The following C10orf67 variants were observed in gnomAD, a reference collection of about 807,000 sequenced individuals.
The protein encoded by C10orf67 is chromosome 10 open reading frame 67.
In C10orf67, 60 loss-of-function variants were observed where a neutral mutation model predicts 35.6. The ratio of observed to expected loss-of-function variants is 1.68; its 90% CI spans 1.37 to 2.09. The LOEUF is 2.09. Among genes scored for constraint, C10orf67 ranks in the 30% most tolerant of loss-of-function variants. The pLI, the probability that C10orf67 is intolerant of heterozygous loss-of-function variation, is 0.00. For missense variants in C10orf67, 474 were observed against 330.2 expected (o/e 1.44, Z -3.38); for synonymous variants, 167 against 115.8 (o/e 1.44, Z -2.84).
intron 8 of C10orf67, among the ~76,000 whole-genome samples, chr10:23,275,927 T>C (rs1843174412): frequency 6.6e-6 from 1 of 152,314 alleles, no homozygotes; most frequent in East Asian, 1.9e-4. Flanking sequence ...TTTGAGCCCT[T>C]TTTCCTACAG....
rs182804427 is a variant in C10orf67 at position 23,216,377 on chromosome 10, T to C, written c.1570+7221A>G. Among the ~76,000 whole-genome samples, 417 of 152,116 alleles carry C rather than the reference T, an allele frequency of 2.7e-3. 3 individuals are homozygous for C. The highest frequency in any genetic ancestry group is 9.5e-3 in the African/African-American group (393 of 41,508). ...GCAACTCCAAGTGTTAGTAGGAAAA[T>C]GGAACAATACAAACTCATAACCTAC... is the stretch of plus-strand genomic sequence containing the variant. On this transcript the variant is annotated intron_variant, in intron 15 of 15. Coordinates refer to ENST00000636213, the MANE Select transcript of C10orf67 (RefSeq NM_001371909.1).
chr10:23,214,102 G>A (rs372301923), intron 15 of C10orf67, among the ~76,000 whole-genome samples: 2 of 151,674 alleles, frequency 1.3e-5, no homozygotes, highest in Admixed American at 6.6e-5. Flanking sequence ...GGGTTAAAGA[G>A]GCCAGTGCAT....
intron 10 of C10orf67, among the ~76,000 whole-genome samples, chr10:23,264,678 T>C (rs968158090): frequency 9.9e-5 from 15 of 152,202 alleles, no homozygotes; most frequent in Non-Finnish European, 1.5e-5. Context: ...CAAGCTGGAA[T>C]TCTAGGATTT....
At chr10:23,326,186 A>C (rs1295813948) in intron 2 of C10orf67, among the ~76,000 whole-genome samples, 3 of 152,144 alleles carry the variant, frequency 2.0e-5, no homozygotes, top group Non-Finnish European at 4.4e-5. Flanking sequence ...TAGATGCTTA[A>C]TTTATTTATC....
chr10:23,253,101 C>T (rs1057491663), intron 10 of C10orf67, among the ~76,000 whole-genome samples: 2 of 152,162 alleles, frequency 1.3e-5, no homozygotes, highest in Non-Finnish European at 1.5e-5. Flanking sequence ...TGTGAGGCCT[C>T]CCCAGCCATG....
intron 12 of C10orf67, among the ~76,000 whole-genome samples, chr10:23,240,027 A>T (rs189360448): frequency 3.7e-4 from 56 of 152,228 alleles, no homozygotes; most frequent in African/African-American, 1.3e-3. Context: ...TTTACAAACA[A>T]TAAAAAAAAA....
intron 15 of C10orf67, among the ~76,000 whole-genome samples, chr10:23,218,653 A>G (rs1841497544): frequency 6.6e-6 from 1 of 152,210 alleles, no homozygotes; most frequent in Admixed American, 6.5e-5. Context: ...CAAGGGAAGT[A>G]ATGGAAAAGT....
At chr10:23,306,542 A>C (rs1484676036) in intron 4 of C10orf67, among the ~76,000 whole-genome samples, 1 of 151,766 alleles carries the variant, frequency 6.6e-6, no homozygotes, top group African/African-American at 2.4e-5. Context: ...AAAAAAAAAA[A>C]AAAAAAAAAG....
intron 1 of C10orf67, among the ~76,000 whole-genome samples, chr10:23,341,371 A>C (rs1271602288): frequency 6.6e-6 from 1 of 152,164 alleles, no homozygotes; most frequent in South Asian, 2.1e-4. Flanking sequence ...CATCCGGGTT[A>C]CTGGCAATTC....
chr10:23,333,751 G>A (rs1188292089), intron 1 of C10orf67, among the ~76,000 whole-genome samples: 1 of 152,174 alleles, frequency 6.6e-6, no homozygotes, highest in Non-Finnish European at 1.5e-5. Flanking sequence ...AGCCAGGCAT[G>A]GAAAAGCTTT....
At chr10:23,285,170 T>G (rs527628796) in intron 7 of C10orf67, among the ~76,000 whole-genome samples, 2 of 152,222 alleles carry the variant, frequency 1.3e-5, no homozygotes, top group African/African-American at 4.8e-5. Context: ...AGACAGGCAC[T>G]GGCCCCAGGG....
intron 2 of C10orf67, among the ~76,000 whole-genome samples, chr10:23,328,888 G>A (rs1845300675): frequency 6.6e-6 from 1 of 151,108 alleles, no homozygotes; most frequent in South Asian, 2.1e-4. Context: ...AAGTGGCTGA[G>A]GCAGGAGGAT....
At position 23,283,145 on chromosome 10, in the gene C10orf67, T is replaced by C. The variant is rs538800414; in HGVS notation, c.910-1067A>G. ...ACCCTCATGTGATTATTACACATTC[T>C]ATGCCTGTATCAAAATATTTCATAT... On this transcript the variant is annotated intron_variant, in intron 7 of 15. Transcript: ENST00000636213. Among the ~76,000 whole-genome samples, 23 of 152,320 alleles carry C rather than the reference T, an allele frequency of 1.5e-4. 1 individual carries two copies. The highest frequency in any genetic ancestry group is 1.5e-3 in the Admixed American group (23 of 15,300).
At chr10:23,206,411 T>C (rs1230280090) in intron 15 of C10orf67, among the ~76,000 whole-genome samples, 1 of 152,246 alleles carries the variant, frequency 6.6e-6, no homozygotes, top group Non-Finnish European at 1.5e-5. Flanking sequence ...CAGCTGTAAC[T>C]GTCCATTTGT....
At chr10:23,225,937 C>T (rs1010828992) in intron 13 of C10orf67, among the ~76,000 whole-genome samples, 2 of 152,026 alleles carry the variant, frequency 1.3e-5, no homozygotes, top group Non-Finnish European at 2.9e-5. Context: ...TTTGACACCC[C>T]ACTGTCAACA....
At chr10:23,336,631 C>T (rs1398452379) in intron 1 of C10orf67, among the ~76,000 whole-genome samples, 1 of 152,178 alleles carries the variant, frequency 6.6e-6, no homozygotes, top group African/African-American at 2.4e-5. Flanking sequence ...TCTCACGCCT[C>T]AGTCTCCGAA....
intron 10 of C10orf67, among the ~76,000 whole-genome samples, chr10:23,256,198 T>TG (rs1842596323): frequency 6.6e-6 from 1 of 152,038 alleles, no homozygotes; most frequent in South Asian, 2.1e-4. Flanking sequence ...GAAGAAGTCT[T>TG]GCTATGTTCC....
intron 5 of C10orf67, among the ~76,000 whole-genome samples, chr10:23,302,196 GTAT>G (rs1844102885): frequency 6.6e-6 from 1 of 151,026 alleles, no homozygotes. Flanking sequence ...AATTATTAAT[GTAT>G]TATAATATAT....
intron 7 of C10orf67, among the ~76,000 whole-genome samples, chr10:23,287,506 C>G (rs1048825258): frequency 6.6e-6 from 1 of 152,056 alleles, no homozygotes; most frequent in Non-Finnish European, 1.5e-5. Flanking sequence ...AATGTAAAAC[C>G]CAAAACCATA....
Sources: allele counts gnomAD v4.1 joint callset (sites outside exome capture counted in the v4.1 genomes callset), GRCh38; gene constraint gnomAD v4.1.1; transcripts MANE v1.5; gene names NCBI Gene and HGNC (gene_info 2026-07-23, HGNC 2026-07-21).